The following GRIN2B variants were observed in gnomAD, a reference collection of about 807,000 sequenced individuals.
GRIN2B encodes the protein glutamate ionotropic receptor NMDA type subunit 2B, also known as glutamate receptor ionotropic, NMDA 2B.
A neutral mutation model predicts 114.5 loss-of-function variants in GRIN2B; 5 were observed. The observed-to-expected ratio is 0.04, with a 90% CI of 0.02 to 0.09. The LOEUF (loss-of-function observed/expected upper bound fraction) is 0.09. GRIN2B is among the 10% of genes least tolerant of loss of function. The pLI, the probability that GRIN2B is intolerant of heterozygous loss-of-function variation, is 1.00. For synonymous variants in GRIN2B, 787 were observed against 745.1 expected (o/e 1.06, Z -0.92); for missense variants, 1,108 against 1,943.5 (o/e 0.57, Z 8.08).
chr12:13,887,669 A>G (rs1056245834), intron 2 of GRIN2B, among the ~76,000 whole-genome samples: 3 of 152,236 alleles, frequency 2.0e-5, no homozygotes, highest in African/African-American at 7.2e-5. Flanking sequence ...TTACCCACTC[A>G]TCTAGGACAA....
chr12:13,684,431 C>A (rs1950158904), intron 4 of GRIN2B, among the ~76,000 whole-genome samples: 1 of 152,150 alleles, frequency 6.6e-6, no homozygotes, highest in Non-Finnish European at 1.5e-5. Context: ...AGTTGCTTCT[C>A]ATTTAGCTCT....
intron 4 of GRIN2B, among the ~76,000 whole-genome samples, chr12:13,745,185 T>TC (rs1365155425): frequency 6.6e-6 from 1 of 152,140 alleles, no homozygotes; most frequent in Non-Finnish European, 1.5e-5. Flanking sequence ...ACAGCTGTGG[T>TC]CCAGCCCTCA....
chr12:13,923,917 C>A (rs1866869139), intron 2 of GRIN2B, among the ~76,000 whole-genome samples: 1 of 152,048 alleles, frequency 6.6e-6, no homozygotes, highest in Non-Finnish European at 1.5e-5. Flanking sequence ...TGCTTTTGGG[C>A]CAGAATAAGA....
At position 13,541,400 on chromosome 12, in the gene GRIN2B, A is replaced by C. The variant is rs1226118668; in HGVS notation, c.*21383T>G. On this transcript the variant is annotated 3_prime_UTR_variant, in exon 14 of 14. Transcript: ENST00000609686. ...TGGGAGCCAGTCTGAAGGAGGGGAG[A>C]TCTGAGGCAGGGTAAATGGAAGTCA... 6.6e-6 allele frequency: 1 copy of C among 152,202 alleles called. No homozygotes were observed. The highest frequency in any genetic ancestry group is 6.5e-5 in the Admixed American group (1 of 15,278). The allele number at this position is 152,202 out of a possible 1,614,324, so 9.4% of individuals were successfully genotyped here. A position where few individuals can be genotyped will look rare whatever the true frequency, so the allele number is the denominator to read the frequency against.
chr12:13,571,687 G>A (rs1219984208), intron 11 of GRIN2B, 117 bp downstream of exon 11: 1 of 1,087,552 alleles, frequency 9.2e-7, no homozygotes, highest in Non-Finnish European at 1.4e-6. Context: ...AGCAAATGAA[G>A]TCTTCTTTAA....
rs2136384379 is a variant in GRIN2B at position 13,547,403 on chromosome 12, G to A, written c.*15380C>T. Reference sequence around the variant, plus strand: ...CAGAAGAGGAAAGGGGTGATCATGTGTCTCAAAGAAGAGATAACTTTGAGG... The same window carrying A: ...CAGAAGAGGAAAGGGGTGATCATGTATCTCAAAGAAGAGATAACTTTGAGG... On this transcript the variant is annotated 3_prime_UTR_variant, in exon 14 of 14. Transcript: ENST00000609686. The A allele has an allele frequency of 6.6e-6, 1 of 152,266 alleles. No homozygotes were observed. The highest frequency in any genetic ancestry group is 2.1e-4 in the South Asian group (1 of 4,818). 9.4% of individuals were successfully genotyped at this position (152,266 alleles called of 1,614,324 possible).
At chr12:13,876,597 C>G (rs1401830711) in intron 2 of GRIN2B, among the ~76,000 whole-genome samples, 2 of 152,216 alleles carry the variant, frequency 1.3e-5, no homozygotes, top group South Asian at 2.1e-4. Flanking sequence ...CTCACTCCCT[C>G]CCTCCTACCA....
chr12:13,853,268 C>T (rs1224054075), intron 3 of GRIN2B, among the ~76,000 whole-genome samples: 2 of 152,216 alleles, frequency 1.3e-5, no homozygotes, highest in African/African-American at 2.4e-5. Flanking sequence ...TTACTGATCA[C>T]ATCTCCAGAA....
intron 3 of GRIN2B, among the ~76,000 whole-genome samples, chr12:13,796,429 T>C (rs1279860320): frequency 6.6e-6 from 1 of 152,196 alleles, no homozygotes; most frequent in African/African-American, 2.4e-5. Flanking sequence ...GCAGCATAAT[T>C]GGGACCGCAA....
intron 9 of GRIN2B, among the ~76,000 whole-genome samples, chr12:13,610,257 A>G (rs547126771): frequency 6.6e-6 from 1 of 152,326 alleles, no homozygotes; most frequent in South Asian, 2.1e-4. Context: ...AGGAGACTTG[A>G]TATTTAAAGT....
intron 3 of GRIN2B, among the ~76,000 whole-genome samples, chr12:13,765,572 C>T (rs577500665): frequency 1.3e-5 from 2 of 152,326 alleles, no homozygotes; most frequent in South Asian, 4.1e-4. Flanking sequence ...AAGATTATTA[C>T]TAAGCCCACT....
In GRIN2B at chr12:13,555,859, AATTG is replaced by A. The variant is rs917192891; in HGVS notation, c.*6920_*6923del. 1.1e-4 allele frequency: 17 copies of A among 152,176 alleles called. No individual in the cohort carries two copies. The highest frequency in any genetic ancestry group is 4.1e-4 in the African/African-American group (17 of 41,422). The allele number at this position is 152,176 out of a possible 1,614,324, so 9.4% of individuals were successfully genotyped here. On this transcript the variant is annotated 3_prime_UTR_variant, in exon 14 of 14. Transcript: ENST00000609686. ...AGTGAGTAGGCTTCAGGTGAGGTTA[AATTG>A]ATTGAATTTGTGCTCTTCACGTAGG...
At chr12:13,570,056 T>A in intron 11 of GRIN2B, 39 bp from the exon 12 acceptor site, 1 of 1,439,278 alleles carries the variant, frequency 6.9e-7, no homozygotes, top group Non-Finnish European at 9.8e-7. Context: ...ATGGAGGAAT[T>A]TTAGAACAAA....
chr12:13,737,164 C>A (rs1013044524), intron 4 of GRIN2B, among the ~76,000 whole-genome samples: 1 of 151,992 alleles, frequency 6.6e-6, no homozygotes. Context: ...GTTCTTCCCT[C>A]ATATTACACT....
chr12:13,785,499 C>T (rs1264507041), intron 3 of GRIN2B, among the ~76,000 whole-genome samples: 3 of 152,144 alleles, frequency 2.0e-5, no homozygotes, highest in African/African-American at 7.2e-5. Context: ...CTGCCTCCAC[C>T]CTTTACCAAG....
In GRIN2B at chr12:13,943,870, T is replaced by C. The variant is rs144338763; in HGVS notation, c.-19+36058A>G. On this transcript the variant is annotated intron_variant, in intron 2 of 13. Transcript: ENST00000609686. ...ATTTGCATCTCTTCGTTTATTGTCT[T>C]TCCCATTACGATGAAAGCTTCAGGA... 7.3e-3 allele frequency among the ~76,000 whole-genome samples: 1,113 copies of C among 152,282 alleles called. 16 individuals are homozygous for C. The highest frequency in any genetic ancestry group is 0.026 in the African/African-American group (1,072 of 41,560).
chr12:13,738,588 A>AAT (rs1223180746), intron 4 of GRIN2B, among the ~76,000 whole-genome samples: 2 of 152,192 alleles, frequency 1.3e-5, no homozygotes, highest in Non-Finnish European at 2.9e-5. Context: ...ACCCTTTCCA[A>AAT]ATTTTGAAGT....
intron 2 of GRIN2B, among the ~76,000 whole-genome samples, chr12:13,905,580 T>C (rs979419107): frequency 6.6e-6 from 1 of 152,168 alleles, no homozygotes; most frequent in African/African-American, 2.4e-5. Flanking sequence ...TCTTTGACTA[T>C]ACTATTCACT....
Position 13,561,390 on chromosome 12 carries a change from C to T in GRIN2B, c.*1393G>A, listed in dbSNP as rs1036849752. ...GTCTCTTCCCCTCTTTTCGTACCTCCAGAGCTGCACTCATGGAGTGCAGCT... is the reference window on the plus strand; with the variant it reads ...GTCTCTTCCCCTCTTTTCGTACCTCTAGAGCTGCACTCATGGAGTGCAGCT... On this transcript the variant is annotated 3_prime_UTR_variant, in exon 14 of 14. Transcript: ENST00000609686. The T allele has an allele frequency of 2.6e-5, 4 of 152,436 alleles. No homozygotes were observed. The South Asian group carries it at 8.3e-4, about 32-fold the overall frequency. The allele number at this position is 152,436 out of a possible 1,614,324, so 9.4% of individuals were successfully genotyped here. A position where few individuals can be genotyped will look rare whatever the true frequency, so the allele number is the denominator to read the frequency against.
Sources: gnomAD v4.1 joint callset for allele counts (sites outside exome capture counted in the v4.1 genomes callset) on GRCh38, gnomAD v4.1.1 for gene constraint, MANE v1.5 for transcripts, NCBI Gene and HGNC (gene_info 2026-07-23, HGNC 2026-07-21) for gene names.